Variants in SLC22A2 observed in about 807,000 individuals in gnomAD.
SLC22A2 encodes solute carrier family 22 member 2.
A neutral mutation model predicts 60.5 loss-of-function variants in SLC22A2; 46 were observed. The ratio of observed to expected loss-of-function variants is 0.76; its 90% CI spans 0.60 to 0.97. The LOEUF is 0.97. Ranked by LOEUF, SLC22A2 falls within the 50% of genes least tolerant of loss-of-function variation. The pLI is 0.00. For missense variants in SLC22A2, 701 were observed against 706.6 expected, an observed-to-expected ratio of 0.99 and a Z score of 0.09; for synonymous variants, 303 against 267.0, an observed-to-expected ratio of 1.13 and a Z score of -1.31.
chr6:160,242,164 C>A, intron 8 of SLC22A2, 130 bp downstream of exon 8: 1 of 687,194 alleles, frequency 1.5e-6, no homozygotes, highest in East Asian at 2.6e-5. Flanking sequence ...CTGGCTGGAC[C>A]TTTACGTGTT....
In SLC22A2 at chr6:160,248,422, G is replaced by A. The variant is rs1293311181; in HGVS notation, c.842+794C>T. On this transcript the variant is annotated intron_variant, in intron 4 of 10. Coordinates refer to ENST00000366953, the MANE Select transcript of SLC22A2 (RefSeq NM_003058.4). The stretch of plus-strand genomic sequence containing the variant: ...GCATTTTGTCACTGCAGTCTGAGCT[G>A]GTAAAACACAGAGTTTTATTGGCTT... Among the ~76,000 whole-genome samples, 3 of 152,186 alleles carry A rather than the reference G, an allele frequency of 2.0e-5. No individual in the cohort carries two copies. The East Asian group carries it at 5.8e-4, about 29-fold the overall frequency.
At chr6:160,221,382 G>A (rs980160934) in intron 10 of SLC22A2, among the ~76,000 whole-genome samples, 3 of 152,214 alleles carry the variant, frequency 2.0e-5, no homozygotes, top group African/African-American at 4.8e-5. Context: ...GTTGTGACCG[G>A]TTTGATCTTC....
chr6:160,222,563 A>C (rs1782659058), intron 10 of SLC22A2, among the ~76,000 whole-genome samples: 1 of 152,206 alleles, frequency 6.6e-6, no homozygotes, highest in African/African-American at 2.4e-5. Flanking sequence ...AGTTCCAGTG[A>C]TACAGCAGTA....
In SLC22A2 at chr6:160,217,485, T is replaced by C; in HGVS notation, c.1615A>G (p.Lys539Glu). 6.3e-7 allele frequency: 1 copy of C among 1,591,766 alleles called. No homozygotes were observed. The highest frequency in any genetic ancestry group is 1.1e-5 in the South Asian group (1 of 90,416). The change falls in exon 11 of 11, where the codon AAA becomes GAA. Residue 539 changes from lysine (K) to glutamate (E), a missense_variant. Transcript: ENST00000366953. ...ACTTGGAGGTAAATCATCTTTTCTT[T>C]ATTTTTTCTTGGTCTGCAATAAGAA... is the stretch of plus-strand genomic sequence containing the variant. The part of the protein sequence containing the change: ...AENMQRPRKN[K>E]EKMIYLQVQK...
chr6:160,220,250 C>G (rs1240787581), intron 10 of SLC22A2, among the ~76,000 whole-genome samples: 1 of 152,228 alleles, frequency 6.6e-6, no homozygotes. Flanking sequence ...GATTCCATCT[C>G]AAGAAACCAC....
intron 2 of SLC22A2, 118 bp from the exon 3 acceptor site, chr6:160,250,820 G>T: frequency 9.9e-7 from 1 of 1,013,072 alleles, no homozygotes; most frequent in Non-Finnish European, 1.5e-6. Flanking sequence ...TAAATTTTAT[G>T]AATCCAGGAG....
intron 10 of SLC22A2, among the ~76,000 whole-genome samples, chr6:160,221,478 C>G (rs1364083875): frequency 6.6e-6 from 1 of 152,190 alleles, no homozygotes; most frequent in African/African-American, 2.4e-5. Context: ...CCTTCAAGAA[C>G]TTTTCCTGTG....
chr6:160,230,109 T>A (rs1207704862), intron 9 of SLC22A2, among the ~76,000 whole-genome samples: 1 of 151,772 alleles, frequency 6.6e-6, no homozygotes, highest in African/African-American at 2.4e-5. Flanking sequence ...TACAGACTCA[T>A]CTGACCTGTC....
intron 4 of SLC22A2, among the ~76,000 whole-genome samples, chr6:160,247,518 G>T (rs1654244233): frequency 6.6e-6 from 1 of 152,208 alleles, no homozygotes; most frequent in South Asian, 2.1e-4. Flanking sequence ...GCAAAGCAGG[G>T]TGCGGCTGAA....
chr6:160,258,395 G>A lies in SLC22A2; in HGVS notation c.363C>T (p.Pro121=). ...DTNRSRLPLG[P]CRDGWVYETP... ...TCTCGTACACCCAGCCGTCCCGGCAGGGGCCCAGTGGCAGGCGGCTCCTGT... is the reference window on the plus strand; with the variant it reads ...TCTCGTACACCCAGCCGTCCCGGCAAGGGCCCAGTGGCAGGCGGCTCCTGT... The change falls in exon 1 of 11, where the codon CCC becomes CCT. Residue 121 remains proline (P), a synonymous_variant. Coordinates refer to ENST00000366953, the MANE Select transcript of SLC22A2 (RefSeq NM_003058.4). 5 of 1,613,900 alleles carry A rather than the reference G, an allele frequency of 3.1e-6. No homozygotes were observed. The highest frequency in any genetic ancestry group is 4.2e-6 in the Non-Finnish European group (5 of 1,179,944).
At chr6:160,256,547 A>T in intron 2 of SLC22A2, 67 bp downstream of exon 2, 1 of 999,238 alleles carries the variant, frequency 1.0e-6, no homozygotes, top group South Asian at 1.3e-5. Context: ...AAGCAGGGGC[A>T]GGTGCATCCA....
intron 2 of SLC22A2, among the ~76,000 whole-genome samples, chr6:160,255,236 A>G (rs1783250371): frequency 6.6e-6 from 1 of 152,216 alleles, no homozygotes; most frequent in Admixed American, 6.5e-5. Flanking sequence ...GACAATTAAT[A>G]ACCATGGGTG....
At chr6:160,239,289 A>T (rs951103649) in intron 9 of SLC22A2, among the ~76,000 whole-genome samples, 1 of 152,196 alleles carries the variant, frequency 6.6e-6, no homozygotes, top group Admixed American at 6.5e-5. Flanking sequence ...CTTTCCTGGA[A>T]AACTCACGAA....
chr6:160,245,693 C>G, intron 5 of SLC22A2, 148 bp from the exon 6 acceptor site: 1 of 268,304 alleles, frequency 3.7e-6, no homozygotes, highest in Non-Finnish European at 6.4e-6. Flanking sequence ...TGTCCCATTT[C>G]ATTTTTTTTT....
chr6:160,229,244 C>T (rs1583391867), intron 9 of SLC22A2, among the ~76,000 whole-genome samples: 1 of 151,908 alleles, frequency 6.6e-6, no homozygotes, highest in African/African-American at 2.4e-5. Flanking sequence ...CTCACTATCC[C>T]TCAACCTCTT....
At chr6:160,221,759 T>C (rs959662974) in intron 10 of SLC22A2, among the ~76,000 whole-genome samples, 12 of 152,330 alleles carry the variant, frequency 7.9e-5, no homozygotes, top group African/African-American at 2.4e-4. Flanking sequence ...TCACACGCAT[T>C]TATCAATTAA....
chr6:160,248,442 T>C (rs775437800), intron 4 of SLC22A2, among the ~76,000 whole-genome samples: 3 of 152,312 alleles, frequency 2.0e-5, no homozygotes, highest in Non-Finnish European at 4.4e-5. Flanking sequence ...AGAGTTTTAT[T>C]GGCTTTTGGA....
At chr6:160,244,031 T>C (rs1275058397) in intron 6 of SLC22A2, among the ~76,000 whole-genome samples, 3 of 152,188 alleles carry the variant, frequency 2.0e-5, no homozygotes, top group Non-Finnish European at 4.4e-5. Flanking sequence ...GAAATTACGA[T>C]AATGTTTCCT....
intron 9 of SLC22A2, among the ~76,000 whole-genome samples, chr6:160,233,441 T>C (rs1466470792): frequency 6.6e-6 from 1 of 151,740 alleles, no homozygotes; most frequent in East Asian, 1.9e-4. Flanking sequence ...TAAAATGGAC[T>C]AATGGTCTTT....
Sources: allele counts gnomAD v4.1 joint callset (sites outside exome capture counted in the v4.1 genomes callset), GRCh38; gene constraint gnomAD v4.1.1; transcripts MANE v1.5; gene names NCBI Gene and HGNC (gene_info 2026-07-23, HGNC 2026-07-21).